Variants in CDH8 observed in about 807,000 individuals in gnomAD.
CDH8 encodes the protein cadherin-8.
In CDH8, 17 loss-of-function variants were observed where a neutral mutation model predicts 68.1. The ratio of observed to expected loss-of-function variants is 0.25; its 90% confidence interval spans 0.17 to 0.37. The LOEUF (loss-of-function observed/expected upper bound fraction) is 0.37. Among genes scored for constraint, CDH8 ranks in the 10% least tolerant of loss-of-function variants. The pLI, the probability that CDH8 is intolerant of heterozygous loss-of-function variation, is 1.00. For synonymous variants in CDH8, 372 were observed against 365.1 expected, an observed-to-expected ratio of 1.02 and a Z score of -0.21; for missense variants, 763 against 999.3, an observed-to-expected ratio of 0.76 and a Z score of 3.19.
intron 10 of CDH8, among the ~76,000 whole-genome samples, chr16:61,704,670 T>C (rs1964497445): frequency 6.6e-6 from 1 of 152,224 alleles, no homozygotes. Flanking sequence ...TAGAGTCTGT[T>C]ACAGAAAGTT....
chr16:62,014,261 T>G (rs1430027850), intron 2 of CDH8, among the ~76,000 whole-genome samples: 1 of 152,190 alleles, frequency 6.6e-6, no homozygotes, highest in Non-Finnish European at 1.5e-5. Context: ...ACTAATATTA[T>G]TCTCTTTATT....
intron 10 of CDH8, among the ~76,000 whole-genome samples, chr16:61,702,379 G>GA (rs200454525): frequency 0.053 from 6,673 of 126,296 alleles, 406 homozygotes; most frequent in East Asian, 0.25. Context: ...CTCAAAAAAA[G>GA]AAAAAAAAAA....
At chr16:61,982,805 G>A (rs1965561159) in intron 2 of CDH8, among the ~76,000 whole-genome samples, 1 of 152,044 alleles carries the variant, frequency 6.6e-6, no homozygotes, top group South Asian at 2.1e-4. Flanking sequence ...TCAGACACAG[G>A]AACAGAGTCT....
chr16:61,825,102 T>C lies in CDH8; in HGVS notation c.745A>G (p.Met249Val). 1 of 1,611,922 alleles carries C rather than the reference T, an allele frequency of 6.2e-7. No individual in the cohort carries two copies. Among genetic ancestry groups the C allele is most frequent in the Non-Finnish European group, 8.5e-7 (1 of 1,178,592 alleles). ...EYLVVIQAKDMGGHSGGLSGT... is the reference protein window; with the variant it reads ...EYLVVIQAKDVGGHSGGLSGT... ...GACAGGCCACCAGAGTGTCCACCCA[T>C]ATCTTTGGCTTGGATAACAACCAGG... The change falls in exon 5 of 12, where the codon ATG (methionine) becomes GTG (valine). Residue 249 changes from methionine (M) to valine (V), a missense_variant. By Grantham distance (21) the Met-to-Val change is conservative (BLOSUM62 1). Coordinates refer to ENST00000577390, the MANE Select transcript of CDH8 (RefSeq NM_001796.5).
intron 2 of CDH8, among the ~76,000 whole-genome samples, chr16:61,945,832 T>C (rs1964793418): frequency 6.6e-6 from 1 of 152,220 alleles, no homozygotes; most frequent in Non-Finnish European, 1.5e-5. Flanking sequence ...AACAGCTTTC[T>C]CAGGCACCGT....
chr16:61,861,852 G>A (rs576767856), intron 3 of CDH8, among the ~76,000 whole-genome samples: 4 of 152,274 alleles, frequency 2.6e-5, no homozygotes, highest in African/African-American at 4.8e-5. Context: ...TATGCAAAGA[G>A]CACAGAAGAG....
chr16:61,935,120 A>T (rs1964608803), intron 2 of CDH8, among the ~76,000 whole-genome samples: 1 of 152,210 alleles, frequency 6.6e-6, no homozygotes, highest in East Asian at 1.9e-4. Flanking sequence ...GACATTATTG[A>T]TGATAATACT....
At chr16:61,848,605 T>G (rs921455610) in intron 4 of CDH8, among the ~76,000 whole-genome samples, 6 of 152,060 alleles carry the variant, frequency 3.9e-5, no homozygotes, top group Non-Finnish European at 8.8e-5. Flanking sequence ...GGAAAATAAG[T>G]GATTGTTAAG....
At chr16:61,880,576 G>C (rs1963556306) in intron 3 of CDH8, among the ~76,000 whole-genome samples, 1 of 152,154 alleles carries the variant, frequency 6.6e-6, no homozygotes, top group Admixed American at 6.6e-5. Context: ...CCCTAGGATG[G>C]TGAGAAATGA....
chr16:61,703,555 T>C (rs1964472871), intron 10 of CDH8, among the ~76,000 whole-genome samples: 1 of 152,136 alleles, frequency 6.6e-6, no homozygotes, highest in African/African-American at 2.4e-5. Context: ...AATGTTTTCA[T>C]GCAGGCCAGG....
At chr16:62,012,815 A>G (rs959453808) in intron 2 of CDH8, among the ~76,000 whole-genome samples, 10 of 152,126 alleles carry the variant, frequency 6.6e-5, no homozygotes, top group Non-Finnish European at 1.5e-4. Context: ...ATTTTTTTTA[A>G]GGTGGGTTAC....
rs960947442 is a variant in CDH8 at position 61,756,790 on chromosome 16, C to T, written c.1415-29575G>A. Among the ~76,000 whole-genome samples the T allele has an allele frequency of 2.6e-5, 4 of 152,104 alleles. No homozygotes were observed. The East Asian group carries it at 7.7e-4, about 29-fold the overall frequency. On this transcript the variant is annotated intron_variant, in intron 8 of 11. Coordinates refer to ENST00000577390, the MANE Select transcript of CDH8 (RefSeq NM_001796.5). ...ACATGTTATTGACCCTGGCATATGT[C>T]CCATTGAATAAGAATCTCTAGGCTT...
intron 10 of CDH8, 135 bp downstream of exon 10, chr16:61,713,706 A>G: frequency 3.4e-6 from 2 of 591,306 alleles, no homozygotes; most frequent in Non-Finnish European, 6.0e-6. Context: ...CCATGCCATT[A>G]TACTGATAAG....
intron 2 of CDH8, among the ~76,000 whole-genome samples, chr16:61,922,331 T>C (rs371772074): frequency 6.6e-6 from 1 of 152,160 alleles, no homozygotes; most frequent in Non-Finnish European, 1.5e-5. Context: ...TCTAAAGATA[T>C]TTTTATTATA....
chr16:61,918,270 G>A (rs1964281831), intron 2 of CDH8: 1 of 152,528 alleles, frequency 6.6e-6, no homozygotes, highest in Non-Finnish European at 1.5e-5. Context: ...AACTATGAGT[G>A]TCGACTCAAG....
intron 10 of CDH8, among the ~76,000 whole-genome samples, chr16:61,690,218 T>A (rs1964191670): frequency 6.6e-6 from 1 of 152,074 alleles, no homozygotes; most frequent in South Asian, 2.1e-4. Context: ...GAGGGCATTG[T>A]TGAGAAGGAG....
At chr16:62,012,568 T>A (rs1044483089) in intron 2 of CDH8, among the ~76,000 whole-genome samples, 3 of 152,204 alleles carry the variant, frequency 2.0e-5, no homozygotes, top group Non-Finnish European at 4.4e-5. Context: ...ATGGATGGCA[T>A]TGATGTTAAG....
intron 8 of CDH8, among the ~76,000 whole-genome samples, chr16:61,734,847 T>C (rs906290269): frequency 6.6e-6 from 1 of 152,110 alleles, no homozygotes; most frequent in African/African-American, 2.4e-5. Context: ...AGGGCTGCCA[T>C]GACAAATTAC....
chr16:61,664,725 T>C (rs1393527500), intron 10 of CDH8, among the ~76,000 whole-genome samples: 1 of 151,988 alleles, frequency 6.6e-6, no homozygotes, highest in East Asian at 1.9e-4. Context: ...AAAATCCAAC[T>C]TTTATTAAAA....
Sources: allele counts gnomAD v4.1 joint callset (sites outside exome capture counted in the v4.1 genomes callset), GRCh38; gene constraint gnomAD v4.1.1; transcripts MANE v1.5; gene names NCBI Gene and HGNC (gene_info 2026-07-23, HGNC 2026-07-21).